DOP1A: variants seen among roughly 807,000 people sequenced by gnomAD.
DOP1A encodes protein DOP1A.
In DOP1A, 90 loss-of-function variants were observed where a neutral mutation model predicts 267.6. That is an observed-to-expected ratio of 0.34 (90% CI 0.28 to 0.40). DOP1A has a LOEUF of 0.40. Ranked by LOEUF, DOP1A falls within the 10% of genes least tolerant of loss-of-function variation. The pLI is 1.00. For synonymous variants in DOP1A, 932 were observed against 999.1 expected (o/e 0.93, Z 1.27); for missense variants, 2,437 against 2,900.4 (o/e 0.84, Z 3.67).
intron 4 of DOP1A, among the ~76,000 whole-genome samples, chr6:83,105,415 A>AGTGCAGTG (rs1285019994): frequency 1.8e-5 from 2 of 113,816 alleles, no homozygotes; most frequent in African/African-American, 6.8e-5. Context: ...CCCAAGGTGG[A>AGTGCAGTG]GTGCAGTGGC....
intron 7 of DOP1A, among the ~76,000 whole-genome samples, chr6:83,117,608 C>T (rs1482002059): frequency 6.6e-6 from 1 of 152,190 alleles, no homozygotes; most frequent in African/African-American, 2.4e-5. Flanking sequence ...TATGCTGCCT[C>T]TTTTCATGCT....
rs1317530811 is a variant in DOP1A, at chr6:83,162,795, G to A, written c.6968G>A (p.Arg2323Gln). Reference sequence around the variant, plus strand: ...TGTCATTATTCTATACATAGGTACCGATGGGCCTTTATTCCAGAAGCCTCA... The same window carrying A: ...TGTCATTATTCTATACATAGGTACCAATGGGCCTTTATTCCAGAAGCCTCA... ...SENLPQFQMY[R>Q]WAFIPEASDD... is the part of the protein sequence containing the mutation. Residue 2323 changes from arginine to glutamine, a missense_variant, in exon 38 of 39, where the codon CGA becomes CAA. Transcript: ENST00000349129. 7.4e-6 allele frequency: 12 copies of A among 1,611,268 alleles called. No individual in the cohort carries two copies. The highest frequency in any genetic ancestry group is 1.0e-5 in the Non-Finnish European group (12 of 1,178,574).
intron 1 of DOP1A, among the ~76,000 whole-genome samples, chr6:83,081,233 G>A (rs992833529): frequency 2.0e-5 from 3 of 152,096 alleles, no homozygotes; most frequent in Non-Finnish European, 4.4e-5. Context: ...CGATCCTCCT[G>A]AGTAGCTGGG....
intron 1 of DOP1A, among the ~76,000 whole-genome samples, chr6:83,082,542 A>G (rs2182233): frequency 0.79 from 119,669 of 152,094 alleles, 47,187 homozygotes; most frequent in South Asian, 0.84. Context: ...GAAGAATGTT[A>G]GTCAAAGGAT....
At chr6:83,086,755 C>T (rs1419277806) in intron 1 of DOP1A, among the ~76,000 whole-genome samples, 1 of 151,824 alleles carries the variant, frequency 6.6e-6, no homozygotes, top group Non-Finnish European at 1.5e-5. Flanking sequence ...AGGGACAGTC[C>T]CATAGGCATT....
intron 3 of DOP1A, among the ~76,000 whole-genome samples, chr6:83,098,304 G>A (rs1344910159): frequency 6.6e-6 from 1 of 152,186 alleles, no homozygotes; most frequent in Non-Finnish European, 1.5e-5. Flanking sequence ...AATCAATGCA[G>A]AAGATTTCTA....
At chr6:83,154,797 A>G (rs999271403) in intron 33 of DOP1A, among the ~76,000 whole-genome samples, 4 of 152,140 alleles carry the variant, frequency 2.6e-5, no homozygotes, top group African/African-American at 9.7e-5. Flanking sequence ...TTTCATCTGA[A>G]AAAAAAGAGT....
chr6:83,160,233 T>C (rs1195436359), intron 37 of DOP1A, among the ~76,000 whole-genome samples: 1 of 152,130 alleles, frequency 6.6e-6, no homozygotes, highest in Non-Finnish European at 1.5e-5. Flanking sequence ...GGAGACATAC[T>C]CATACTATGG....
intron 18 of DOP1A, among the ~76,000 whole-genome samples, chr6:83,133,081 G>A (rs1020987712): frequency 2.0e-5 from 3 of 152,078 alleles, no homozygotes; most frequent in Non-Finnish European, 4.4e-5. Context: ...TGGTAGAGGA[G>A]AAAGTAGTAT....
Position 83,100,858 on chromosome 6 carries a change from C to A in DOP1A, c.292C>A (p.Arg98=). 6.4e-7 allele frequency: 1 copy of A among 1,554,264 alleles called. No homozygotes were observed. The highest frequency in any genetic ancestry group is 1.3e-5 in the South Asian group (1 of 77,594). The change falls in exon 4 of 39, where the codon CGA becomes AGA. Residue 98 remains arginine, a synonymous_variant. Transcript: ENST00000349129. ...EIIFKIIGPK[R]LAKDLFLYSS... ...TATCTTCAAAATAATTGGACCTAAG[C>A]GACTTGCCAAAGATCTTTTTTTATA...
downstream of DOP1A, chr6:83,169,114 CA>C: frequency 6.7e-7 from 1 of 1,491,300 alleles, no homozygotes; most frequent in Non-Finnish European, 8.9e-7. Context: ...GATCTAGAGA[CA>C]ATCCAGTAGG....
In DOP1A at chr6:83,139,140, G is replaced by A. The variant is rs1452791051; in HGVS notation, c.5098G>A (p.Glu1700Lys). The A allele has an allele frequency of 4.3e-6, 7 of 1,612,300 alleles. No homozygotes were observed. The Admixed American group carries it at 6.7e-5, about 15-fold the overall frequency. The change falls in exon 21 of 39, where the codon GAA (glutamate) becomes AAA (lysine). Residue 1700 changes from glutamate to lysine, a missense_variant. Physicochemically the swap from Glu to Lys is moderately conservative, Grantham distance 56. This residue lies in a region of DOP1A where 307 missense variants were observed against 308.6 expected (regional missense o/e 0.99). Coordinates refer to ENST00000349129, the MANE Select transcript of DOP1A (RefSeq NM_015018.4). ...TAATCTAATTCAGCAGTACAAATAC[G>A]AAACAGGATTATCTGATAGTAGGTA... ...LDNLIQQYKY[E>K]TGLSDSRPLW...
At position 83,107,881 on chromosome 6, in the gene DOP1A, G is replaced by T. The variant is rs1032111537; in HGVS notation, c.321-1029G>T. ...AATTCTTCAGTATAGCTGGAGCAGA[G>T]GGTACAGGAGTAAAATTGGTGAGTA... On this transcript the variant is annotated intron_variant, in intron 4 of 38. Transcript: ENST00000349129. Among the ~76,000 whole-genome samples the T allele has an allele frequency of 1.3e-5, 2 of 152,322 alleles. 1 individual carries two copies. The highest frequency in any genetic ancestry group is 4.8e-5 in the African/African-American group (2 of 41,580).
chr6:83,143,866 T>C (rs895227913), intron 24 of DOP1A, among the ~76,000 whole-genome samples: 2 of 152,178 alleles, frequency 1.3e-5, no homozygotes, highest in African/African-American at 2.4e-5. Context: ...GTTTCCAGAT[T>C]GTGCCTACCA....
intron 15 of DOP1A, among the ~76,000 whole-genome samples, chr6:83,126,706 G>T (rs1418507917): frequency 3.3e-5 from 5 of 152,088 alleles, no homozygotes; most frequent in Non-Finnish European, 7.4e-5. Context: ...GGTGAGGGAG[G>T]TAAAAAGAGA....
At chr6:83,170,549 A>C, downstream of DOP1A, 6 of 1,221,520 alleles carry the variant, frequency 4.9e-6, no homozygotes, top group South Asian at 1.4e-5. Flanking sequence ...TTAAACATAC[A>C]TTCTACGAAA....
chr6:83,146,703 C>T (rs1780700528), intron 25 of DOP1A, among the ~76,000 whole-genome samples: 1 of 152,202 alleles, frequency 6.6e-6, no homozygotes, highest in African/African-American at 2.4e-5. Context: ...CAATATCATT[C>T]TCTGGCCTCT....
At chr6:83,102,692 T>A (rs971349316) in intron 4 of DOP1A, among the ~76,000 whole-genome samples, 1 of 152,198 alleles carries the variant, frequency 6.6e-6, no homozygotes, top group Non-Finnish European at 1.5e-5. Flanking sequence ...ACCAGTGTAA[T>A]CTTTTTAATA....
At chr6:83,136,229 A>G (rs1012180557) in intron 20 of DOP1A, among the ~76,000 whole-genome samples, 1 of 152,146 alleles carries the variant, frequency 6.6e-6, no homozygotes, top group African/African-American at 2.4e-5. Context: ...TAAATCTGTA[A>G]TGCACATTTT....
Sources: gnomAD v4.1 joint callset for allele counts (sites outside exome capture counted in the v4.1 genomes callset) on GRCh38, gnomAD v4.1.1 for gene constraint, gnomAD v4.1.1 regional missense constraint, MANE v1.5 for transcripts, NCBI Gene and HGNC (gene_info 2026-07-23, HGNC 2026-07-21) for gene names.